KAZN: variants seen among roughly 807,000 people sequenced by gnomAD.
The protein encoded by KAZN is kazrin, periplakin interacting protein, also known as kazrin.
In KAZN, 40 loss-of-function variants were observed where a neutral mutation model predicts 87.4. That is an observed-to-expected ratio of 0.46 (90% confidence interval 0.36 to 0.60). KAZN has a LOEUF of 0.60. KAZN is among the 20% of genes least tolerant of loss of function. The pLI, the probability that KAZN is intolerant of heterozygous loss-of-function variation, is 0.00. For synonymous variants in KAZN, 466 were observed against 458.3 expected (o/e 1.02, Z -0.22); for missense variants, 898 against 1,073.9 (o/e 0.84, Z 2.29).
intron 1 of KAZN, among the ~76,000 whole-genome samples, chr1:14,695,558 T>A (rs1302577883): frequency 1.4e-5 from 2 of 140,738 alleles, no homozygotes; most frequent in East Asian, 4.2e-4. Flanking sequence ...CAGGCTGGAG[T>A]GCAGTGGCGC....
At chr1:14,293,485 C>A (rs72867316) in intron 2 of KAZN, among the ~76,000 whole-genome samples, 1 of 152,136 alleles carries the variant, frequency 6.6e-6, no homozygotes, top group South Asian at 2.1e-4. Context: ...CCCTTTCTGG[C>A]ATTGCTGGTG....
chr1:14,402,202 C>T (rs568376651), intron 2 of KAZN, among the ~76,000 whole-genome samples: 2 of 151,218 alleles, frequency 1.3e-5, no homozygotes, highest in Admixed American at 1.3e-4. Context: ...AAATACAAAA[C>T]CCACATTTTA....
chr1:14,384,733 G>A (rs1433960101), intron 2 of KAZN, among the ~76,000 whole-genome samples: 4 of 151,500 alleles, frequency 2.6e-5, no homozygotes, highest in African/African-American at 9.7e-5. Flanking sequence ...TTTTATTGAG[G>A]ATTTTTGCAT....
chr1:14,435,038 A>G (rs1666299731), intron 2 of KAZN, among the ~76,000 whole-genome samples: 1 of 152,074 alleles, frequency 6.6e-6, no homozygotes, highest in African/African-American at 2.4e-5. Context: ...CCACACCTCA[A>G]TGGGAAAGAA....
At chr1:14,092,842 A>G (rs1405764643) in intron 1 of KAZN, among the ~76,000 whole-genome samples, 1 of 152,162 alleles carries the variant, frequency 6.6e-6, no homozygotes, top group Admixed American at 6.6e-5. Context: ...ACTTTGTGAA[A>G]TTAATTTTTC....
chr1:14,554,187 T>C (rs1257890505), intron 2 of KAZN, among the ~76,000 whole-genome samples: 1 of 152,054 alleles, frequency 6.6e-6, no homozygotes, highest in Non-Finnish European at 1.5e-5. Context: ...CATGGTTCTG[T>C]GGGGAGATAT....
chr1:14,694,801 C>T (rs987524206), intron 1 of KAZN, among the ~76,000 whole-genome samples: 3 of 152,214 alleles, frequency 2.0e-5, no homozygotes, highest in Non-Finnish European at 4.4e-5. Flanking sequence ...GGACTCAATG[C>T]ATCACTGCAA....
chr1:14,954,308 G>A (rs752782239), intron 1 of KAZN, among the ~76,000 whole-genome samples: 63 of 152,356 alleles, frequency 4.1e-4, no homozygotes, highest in African/African-American at 1.3e-3. Flanking sequence ...GTTCCCCAGC[G>A]TCAGCAGAAA....
chr1:14,488,867 G>A (rs1448323603), intron 2 of KAZN, among the ~76,000 whole-genome samples: 1 of 152,150 alleles, frequency 6.6e-6, no homozygotes, highest in Non-Finnish European at 1.5e-5. Flanking sequence ...CCAATTTGGG[G>A]TCCATCTATT....
At chr1:14,554,030 A>G (rs1456272672) in intron 2 of KAZN, among the ~76,000 whole-genome samples, 2 of 152,172 alleles carry the variant, frequency 1.3e-5, no homozygotes, top group African/African-American at 4.8e-5. Context: ...GTAATTAGGA[A>G]CAAGGCTACT....
At chr1:14,731,132 T>G (rs1423754916) in intron 1 of KAZN, among the ~76,000 whole-genome samples, 1 of 152,150 alleles carries the variant, frequency 6.6e-6, no homozygotes, top group Non-Finnish European at 1.5e-5. Context: ...TCATTAGCAT[T>G]GATAAACATT....
At chr1:14,938,402 C>T (rs2101622910) in intron 1 of KAZN, among the ~76,000 whole-genome samples, 1 of 152,108 alleles carries the variant, frequency 6.6e-6, no homozygotes. Context: ...ATTAGCCAGG[C>T]GTGGTGGTGG....
intron 1 of KAZN, among the ~76,000 whole-genome samples, chr1:14,132,413 G>A (rs1028879476): frequency 1.3e-5 from 2 of 152,188 alleles, no homozygotes; most frequent in African/African-American, 4.8e-5. Context: ...CCACAGGTGG[G>A]CTGAGGGATA....
chr1:14,998,802 G>A (rs934397671), intron 2 of KAZN, among the ~76,000 whole-genome samples: 2 of 151,992 alleles, frequency 1.3e-5, no homozygotes, highest in African/African-American at 4.8e-5. Context: ...TGCCCACCTC[G>A]ACCTCCCACA....
intron 2 of KAZN, among the ~76,000 whole-genome samples, chr1:14,402,704 G>C (rs1033699660): frequency 1.3e-5 from 2 of 152,092 alleles, no homozygotes; most frequent in East Asian, 3.8e-4. Context: ...GAACAAAAAA[G>C]AAGAACCTGC....
chr1:14,014,015 T>G (rs1474965643), intron 1 of KAZN, among the ~76,000 whole-genome samples: 1 of 152,200 alleles, frequency 6.6e-6, no homozygotes, highest in Non-Finnish European at 1.5e-5. Context: ...GGGTGTTGCT[T>G]GTCCTTGCAT....
At chr1:15,068,216 A>T (rs1158049238) in intron 8 of KAZN, 1 of 435,794 alleles carries the variant, frequency 2.3e-6, no homozygotes, top group Non-Finnish European at 3.0e-6. Context: ...CCCCTCTGGG[A>T]GGCACAGGCT....
At chr1:14,625,887 G>A (rs549455924) in intron 1 of KAZN, among the ~76,000 whole-genome samples, 20 of 152,188 alleles carry the variant, frequency 1.3e-4, no homozygotes, top group Non-Finnish European at 2.9e-4. Context: ...GTCCTTTTTA[G>A]CAATGTCTTT....
chr1:13,990,700 A>T (rs1342626876), intron 1 of KAZN, among the ~76,000 whole-genome samples: 1 of 152,218 alleles, frequency 6.6e-6, no homozygotes, highest in Non-Finnish European at 1.5e-5. Context: ...AAAAGAAAAA[A>T]ATCTGAACTT....
Sources: gnomAD v4.1 joint callset for allele counts (sites outside exome capture counted in the v4.1 genomes callset) on GRCh38, gnomAD v4.1.1 for gene constraint, MANE v1.5 for transcripts, NCBI Gene and HGNC (gene_info 2026-07-23, HGNC 2026-07-21) for gene names.